The following DLGAP2 variants were observed in gnomAD, a reference collection of about 807,000 sequenced individuals.
DLGAP2 encodes disks large-associated protein 2.
DLGAP2 carries 26 observed loss-of-function variants against 100.3 expected under a neutral mutation model. The ratio of observed to expected loss-of-function variants is 0.26; its 90% CI spans 0.19 to 0.36. DLGAP2 has a LOEUF of 0.36. Among genes scored for constraint, DLGAP2 ranks in the 10% least tolerant of loss-of-function variants. The pLI, the probability that DLGAP2 is intolerant of heterozygous loss-of-function variation, is 1.00. For missense variants in DLGAP2, 1,858 were observed against 1,453.2 expected, an observed-to-expected ratio of 1.28 and a Z score of -4.53; for synonymous variants, 886 against 630.1, an observed-to-expected ratio of 1.41 and a Z score of -6.08.
At chr8:786,669 G>T (rs1404186248) in intron 1 of DLGAP2, among the ~76,000 whole-genome samples, 2 of 152,136 alleles carry the variant, frequency 1.3e-5, no homozygotes, top group Admixed American at 6.5e-5. Context: ...TCCGGGGAGG[G>T]GCCTCGCTGC....
intron 2 of DLGAP2, among the ~76,000 whole-genome samples, chr8:996,660 T>C (rs1800792830): frequency 6.6e-6 from 1 of 152,238 alleles, no homozygotes; most frequent in Admixed American, 6.5e-5. Context: ...TCAGTAGTTT[T>C]CAGCCTTTAA....
At chr8:1,669,633 C>T (rs2130840721) in intron 9 of DLGAP2, 110 bp from the exon 10 acceptor site, 1 of 756,544 alleles carries the variant, frequency 1.3e-6, no homozygotes, top group Non-Finnish European at 2.5e-6. Context: ...AGAGCCGGGC[C>T]CGTGCGGCGC....
At chr8:961,625 G>C (rs1799727864) in intron 2 of DLGAP2, among the ~76,000 whole-genome samples, 1 of 152,096 alleles carries the variant, frequency 6.6e-6, no homozygotes. Flanking sequence ...TTATACACAA[G>C]TATTTCTGAT....
At chr8:1,388,726 C>T (rs1462553750) in intron 3 of DLGAP2, among the ~76,000 whole-genome samples, 8 of 100,734 alleles carry the variant, frequency 7.9e-5, no homozygotes, top group South Asian at 3.8e-4. Context: ...GATGAGGAGG[C>T]GCTGGTTCAG....
chr8:996,408 G>C (rs562289970), intron 2 of DLGAP2, among the ~76,000 whole-genome samples: 1 of 152,070 alleles, frequency 6.6e-6, no homozygotes, highest in Non-Finnish European at 1.5e-5. Flanking sequence ...TGTCCTCAGC[G>C]TGTGTGCTTT....
intron 3 of DLGAP2, among the ~76,000 whole-genome samples, chr8:1,350,576 C>T (rs554849481): frequency 1.4e-3 from 17 of 12,210 alleles, no homozygotes; most frequent in Non-Finnish European, 2.5e-3. Flanking sequence ...GGAAAGGCCG[C>T]GCGGGTCCTG....
chr8:1,603,986 G>A (rs12114859), intron 6 of DLGAP2, among the ~76,000 whole-genome samples: 6,979 of 152,054 alleles, frequency 0.046, 519 homozygotes, highest in African/African-American at 0.16. Flanking sequence ...CAGCCACCGC[G>A]TCGGCACCTC....
chr8:815,902 C>T (rs1187977061), intron 1 of DLGAP2, among the ~76,000 whole-genome samples: 2 of 152,270 alleles, frequency 1.3e-5, no homozygotes, highest in Non-Finnish European at 2.9e-5. Flanking sequence ...GTGTTAGTTA[C>T]ATATATATTT....
intron 3 of DLGAP2, among the ~76,000 whole-genome samples, chr8:1,417,160 A>T (rs62484235): frequency 2.8e-5 from 3 of 108,396 alleles, no homozygotes; most frequent in African/African-American, 1.2e-4. Flanking sequence ...CTCTGAGTGA[A>T]GGGGAAGCCC....
chr8:1,181,921 C>G (rs543693356), intron 2 of DLGAP2, among the ~76,000 whole-genome samples: 3 of 152,306 alleles, frequency 2.0e-5, no homozygotes, highest in South Asian at 4.1e-4. Context: ...TGTTCCTTGT[C>G]TGTGAACCGT....
chr8:1,666,573 G>A (rs536253017), intron 8 of DLGAP2, among the ~76,000 whole-genome samples: 223 of 152,030 alleles, frequency 1.5e-3, no homozygotes, highest in South Asian at 0.014. Flanking sequence ...CCAGCTACTC[G>A]GGAGGCAGAG....
chr8:1,057,081 TC>T (rs1431389461), intron 2 of DLGAP2, among the ~76,000 whole-genome samples: 2 of 152,238 alleles, frequency 1.3e-5, no homozygotes, highest in Non-Finnish European at 2.9e-5. Context: ...TACATATTTT[TC>T]TGCATGAAAA....
chr8:1,549,592 A>G lies in DLGAP2; in HGVS notation c.1139A>G (p.Lys380Arg). 1.2e-6 allele frequency: 2 copies of G among 1,610,414 alleles called. No individual in the cohort carries two copies. The highest frequency in any genetic ancestry group is 1.1e-5 in the South Asian group (1 of 90,834). Residue 380 changes from lysine (K) to arginine (R), a missense_variant, in exon 5 of 15, where the codon AAG becomes AGG. By Grantham distance (26) the Lys-to-Arg change is conservative. Coordinates refer to ENST00000637795, the MANE Select transcript of DLGAP2 (RefSeq NM_001346810.2). ...SWSTLTVSQA[K>R]EAYRKSSLNL... ...TCTACGCTGACGGTCAGCCAGGCCA[A>G]GGAGGCCTACCGCAAGAGCTCGCTG...
intron 2 of DLGAP2, chr8:1,002,886 C>T (rs1020940586): frequency 1.3e-5 from 2 of 152,224 alleles, no homozygotes; most frequent in African/African-American, 4.8e-5. Flanking sequence ...GCCCAGGCAC[C>T]CCATGTCCCA....
At chr8:1,088,643 C>T (rs1424772795) in intron 2 of DLGAP2, among the ~76,000 whole-genome samples, 1 of 151,904 alleles carries the variant, frequency 6.6e-6, no homozygotes, top group East Asian at 1.9e-4. Flanking sequence ...CCCACCACCC[C>T]ACTCTCTCCA....
intron 2 of DLGAP2, among the ~76,000 whole-genome samples, chr8:980,635 G>A (rs1800304532): frequency 1.3e-5 from 2 of 152,162 alleles, no homozygotes; most frequent in African/African-American, 4.8e-5. Context: ...GAATCCAGGT[G>A]GGCAGGTAAG....
intron 8 of DLGAP2, among the ~76,000 whole-genome samples, chr8:1,660,673 C>T (rs548994638): frequency 6.6e-6 from 1 of 152,264 alleles, no homozygotes; most frequent in Non-Finnish European, 1.5e-5. Flanking sequence ...CTCATGGGGT[C>T]ATTAACAAAG....
chr8:1,630,548 A>G (rs867672881), intron 7 of DLGAP2, among the ~76,000 whole-genome samples: 12 of 151,986 alleles, frequency 7.9e-5, no homozygotes, highest in Non-Finnish European at 4.4e-5. Context: ...TAAAAATACA[A>G]AAAATTAGCT....
chr8:1,417,097 G>A (rs577209249), intron 3 of DLGAP2, among the ~76,000 whole-genome samples: 1 of 75,608 alleles, frequency 1.3e-5, no homozygotes, highest in East Asian at 5.2e-4. Context: ...GGGGGGATGG[G>A]GGGGTGGGGG....
Sources: allele counts gnomAD v4.1 joint callset (sites outside exome capture counted in the v4.1 genomes callset), GRCh38; gene constraint gnomAD v4.1.1; transcripts MANE v1.5; gene names NCBI Gene and HGNC (gene_info 2026-07-23, HGNC 2026-07-21).